Variants in JAK1 observed in about 807,000 individuals in gnomAD.
JAK1 encodes Janus kinase 1.
JAK1 carries 16 observed loss-of-function variants against 136.6 expected under a neutral mutation model. The ratio of observed to expected loss-of-function variants is 0.12; its 90% CI spans 0.08 to 0.18. JAK1 has a LOEUF of 0.18. Among genes scored for constraint, JAK1 ranks in the 10% least tolerant of loss-of-function variants. JAK1 has a pLI of 1.00. For synonymous variants in JAK1, 492 were observed against 519.5 expected, an observed-to-expected ratio of 0.95 and a Z score of 0.72; for missense variants, 859 against 1,450.1, an observed-to-expected ratio of 0.59 and a Z score of 6.62.
At chr1:65,052,397 G>A (rs977701459) in intron 1 of JAK1, among the ~76,000 whole-genome samples, 1 of 152,112 alleles carries the variant, frequency 6.6e-6, no homozygotes, top group Admixed American at 6.5e-5. Context: ...TGATGACTAG[G>A]CCGGGCATGG....
At chr1:64,929,277 T>C (rs1041121444) in intron 1 of JAK1, among the ~76,000 whole-genome samples, 4 of 152,236 alleles carry the variant, frequency 2.6e-5, no homozygotes, top group Non-Finnish European at 4.4e-5. Flanking sequence ...TTGCAGTTTG[T>C]AATAAAGAAT....
chr1:64,915,974 C>A (rs1645389219), intron 1 of JAK1, among the ~76,000 whole-genome samples: 1 of 152,196 alleles, frequency 6.6e-6, no homozygotes. Flanking sequence ...GACTGGAATA[C>A]TGTCTTCTGA....
intron 1 of JAK1, among the ~76,000 whole-genome samples, chr1:65,055,831 T>C (rs1241272671): frequency 6.6e-6 from 1 of 152,210 alleles, no homozygotes; most frequent in Non-Finnish European, 1.5e-5. Flanking sequence ...ACTCTGTCCG[T>C]AGTGCAGGGT....
chr1:65,014,691 T>G (rs896504854), intron 2 of JAK1, among the ~76,000 whole-genome samples: 5 of 151,692 alleles, frequency 3.3e-5, no homozygotes, highest in Admixed American at 2.0e-4. Context: ...TCTATTCTTT[T>G]TTTTTTTTTT....
intron 1 of JAK1, chr1:65,057,890 C>T (rs541145555): frequency 6.5e-6 from 1 of 153,774 alleles, no homozygotes; most frequent in African/African-American, 2.4e-5. Context: ...CCTAAATATC[C>T]TGAAAGAAAC....
At chr1:64,853,066 A>G (rs1054679282) in intron 11 of JAK1, among the ~76,000 whole-genome samples, 2 of 152,154 alleles carry the variant, frequency 1.3e-5, no homozygotes, top group African/African-American at 4.8e-5. Flanking sequence ...TCTTAGTTGC[A>G]TTTTCAAGTG....
chr1:65,044,904 C>T (rs1410684859), intron 1 of JAK1, among the ~76,000 whole-genome samples: 1 of 152,128 alleles, frequency 6.6e-6, no homozygotes, highest in East Asian at 1.9e-4. Context: ...AACTGTTGCC[C>T]AGCCTACATT....
chr1:65,057,425 G>A (rs1488286410), intron 1 of JAK1, among the ~76,000 whole-genome samples: 1 of 152,200 alleles, frequency 6.6e-6, no homozygotes, highest in Non-Finnish European at 1.5e-5. Flanking sequence ...TCCTGGCTGG[G>A]TATAGTGGCT....
At chr1:64,878,368 C>G (rs989984147) in intron 4 of JAK1, among the ~76,000 whole-genome samples, 1 of 151,986 alleles carries the variant, frequency 6.6e-6, no homozygotes, top group Non-Finnish European at 1.5e-5. Flanking sequence ...GGAGAAAAGG[C>G]AGGTGCCCAT....
intron 24 of JAK1, 144 bp downstream of exon 24, chr1:64,835,252 G>A: frequency 3.8e-6 from 2 of 521,782 alleles, no homozygotes; most frequent in Non-Finnish European, 6.7e-6. Flanking sequence ...GTTATCTTAT[G>A]TGAAATTCAG....
chr1:65,010,389 T>A (rs972094650), intron 2 of JAK1, among the ~76,000 whole-genome samples: 1 of 152,152 alleles, frequency 6.6e-6, no homozygotes, highest in Non-Finnish European at 1.5e-5. Context: ...GGCTGCCACA[T>A]CATGCAGAGA....
chr1:65,053,140 G>A (rs1204587799), intron 1 of JAK1, among the ~76,000 whole-genome samples: 1 of 151,444 alleles, frequency 6.6e-6, no homozygotes, highest in Non-Finnish European at 1.5e-5. Context: ...GAGGTCAGGA[G>A]TTTGAGACCA....
intron 2 of JAK1, among the ~76,000 whole-genome samples, chr1:64,884,093 T>A (rs1288008308): frequency 2.0e-5 from 3 of 152,152 alleles, no homozygotes; most frequent in African/African-American, 7.2e-5. Flanking sequence ...GGAGCCTGGT[T>A]CCTACCACCC....
intron 2 of JAK1, among the ~76,000 whole-genome samples, chr1:64,998,701 G>A (rs1335387751): frequency 6.6e-6 from 1 of 152,172 alleles, no homozygotes; most frequent in Non-Finnish European, 1.5e-5. Context: ...TTGTGATAGT[G>A]AATAAGTCTC....
intron 1 of JAK1, among the ~76,000 whole-genome samples, chr1:65,051,633 T>G (rs567014978): frequency 3.9e-4 from 60 of 152,264 alleles, no homozygotes; most frequent in African/African-American, 1.3e-3. Flanking sequence ...ATTTTCAAAT[T>G]GAAAAAAACC....
At chr1:64,928,801 A>AC (rs981464885) in intron 1 of JAK1, among the ~76,000 whole-genome samples, 2 of 150,728 alleles carry the variant, frequency 1.3e-5, no homozygotes, top group East Asian at 1.9e-4. Context: ...AAAAAACAAA[A>AC]AAAAAAAACT....
chr1:64,942,637 A>T lies in JAK1; in HGVS notation c.-78+23696T>A, dbSNP rs149394235. Among the ~76,000 whole-genome samples the T allele has an allele frequency of 7.8e-3, 1,190 of 152,362 alleles. 5 individuals are homozygous for T. The highest frequency in any genetic ancestry group is 0.012 in the Non-Finnish European group (788 of 68,038). ...AGTATTCAACATTAACTCAAATGTA[A>T]CAATTTAGCATGTTCTATCTGGACA... On this transcript the variant is annotated intron_variant, in intron 1 of 24. Transcript: ENST00000342505.
intron 17 of JAK1, among the ~76,000 whole-genome samples, chr1:64,842,231 C>A (rs894275529): frequency 6.6e-6 from 1 of 151,690 alleles, no homozygotes; most frequent in African/African-American, 2.4e-5. Context: ...AGACAAAATG[C>A]CAAAGTGTTA....
intron 1 of JAK1, among the ~76,000 whole-genome samples, chr1:65,047,495 A>G (rs1366456661): frequency 3.3e-5 from 5 of 152,146 alleles, no homozygotes; most frequent in Non-Finnish European, 7.4e-5. Context: ...AAGACGGGCA[A>G]ATCACAAGGT....
Sources: allele counts gnomAD v4.1 joint callset (sites outside exome capture counted in the v4.1 genomes callset), GRCh38; gene constraint gnomAD v4.1.1; transcripts MANE v1.5; gene names NCBI Gene and HGNC (gene_info 2026-07-23, HGNC 2026-07-21).